The following TSHR variants were observed in gnomAD, a reference collection of about 807,000 sequenced individuals.
The protein encoded by TSHR is thyrotropin receptor.
Under a neutral mutation model 64.1 loss-of-function variants are expected in TSHR, and 51 were observed. The ratio of observed to expected loss-of-function variants is 0.80; its 90% confidence interval spans 0.64 to 1.01. The LOEUF (loss-of-function observed/expected upper bound fraction) is 1.01. Among genes scored for constraint, TSHR ranks in the 50% least tolerant of loss-of-function variants. TSHR has a pLI of 0.00. For missense variants in TSHR, 877 were observed against 942.8 expected (o/e 0.93, Z 0.91); for synonymous variants, 361 against 361.9 (o/e 1.00, Z 0.03).
Position 81,059,740 on chromosome 14 carries a change from G to GACCAATATAT in TSHR, c.171-2407_171-2406insCCAATATATA, listed in dbSNP as rs1270913148. ...TCCTTATTGGTCTATATATATTGGT[G>GACCAATATAT]AGCTTTCTTTGGTAAAAAAAATCTG... On this transcript the variant is annotated intron_variant, in intron 1 of 9. Transcript: ENST00000298171. Among the ~76,000 whole-genome samples the GACCAATATAT allele has an allele frequency of 2.8e-4, 43 of 152,200 alleles. No individual in the cohort carries two copies. In the East Asian group the frequency reaches 8.1e-3, roughly 29 times the overall value.
intron 3 of TSHR, chr14:81,087,595 A>G: frequency 6.2e-6 from 2 of 324,966 alleles, no homozygotes; most frequent in Non-Finnish European, 1.2e-5. Context: ...CTTATAAATA[A>G]TAAAGATATT....
intron 1 of TSHR, among the ~76,000 whole-genome samples, chr14:80,960,019 T>G (rs890084453): frequency 6.6e-6 from 1 of 152,238 alleles, no homozygotes; most frequent in African/African-American, 2.4e-5. Context: ...AGCTACAGAC[T>G]ATTGTCTGTG....
chr14:80,997,649 T>C (rs1889094740), intron 1 of TSHR, among the ~76,000 whole-genome samples: 1 of 152,206 alleles, frequency 6.6e-6, no homozygotes, highest in African/African-American at 2.4e-5. Flanking sequence ...TTAATACTTA[T>C]GTTAACAACC....
At chr14:81,076,923 T>A (rs902898931) in intron 3 of TSHR, among the ~76,000 whole-genome samples, 6 of 152,226 alleles carry the variant, frequency 3.9e-5, no homozygotes, top group Admixed American at 1.3e-4. Context: ...GTTCTCATCA[T>A]GCTTCACTCC....
intron 1 of TSHR, among the ~76,000 whole-genome samples, chr14:81,055,013 C>T (rs2139875678): frequency 6.6e-6 from 1 of 152,238 alleles, no homozygotes; most frequent in Non-Finnish European, 1.5e-5. Flanking sequence ...GTGGCAGCCC[C>T]TTTCATCACA....
At chr14:81,129,468 C>A (rs1891148897) in intron 8 of TSHR, among the ~76,000 whole-genome samples, 1 of 152,236 alleles carries the variant, frequency 6.6e-6, no homozygotes, top group Non-Finnish European at 1.5e-5. Flanking sequence ...CCACCTGCTG[C>A]AGGCCTGGGC....
At position 81,144,894 on chromosome 14, in the gene TSHR, G is replaced by A. The variant is rs994745844; in HGVS notation, c.*541G>A. On this transcript the variant is annotated 3_prime_UTR_variant, in exon 10 of 10. Transcript: ENST00000298171. ...ACAAGAAACAGCTATTATGAGACATGAAGGAGGGTAAGAATTAGCTTTAAG... is the reference window on the plus strand; with the variant it reads ...ACAAGAAACAGCTATTATGAGACATAAAGGAGGGTAAGAATTAGCTTTAAG... The A allele has an allele frequency of 8.5e-6, 2 of 235,446 alleles. No homozygotes were observed. The highest frequency in any genetic ancestry group is 4.4e-5 in the African/African-American group (2 of 45,348). The allele number at this position is 235,446 out of a possible 1,614,324, so 14.6% of individuals were successfully genotyped here.
At chr14:81,104,475 C>A (rs1476067056) in intron 7 of TSHR, 1 of 985,244 alleles carries the variant, frequency 1.0e-6, no homozygotes. Flanking sequence ...TCTCTTGCCA[C>A]GACATCACAC....
chr14:80,956,240 G>T (rs565535685), intron 1 of TSHR, among the ~76,000 whole-genome samples: 1 of 152,262 alleles, frequency 6.6e-6, no homozygotes, highest in South Asian at 2.1e-4. Flanking sequence ...ATAAAAAATT[G>T]CAAAAATATG....
At chr14:81,102,809 C>T (rs1889670624) in intron 7 of TSHR, 2 of 985,354 alleles carry the variant, frequency 2.0e-6, no homozygotes, top group South Asian at 4.7e-5. Context: ...GAAATATGTA[C>T]TCTGTTTCTC....
At chr14:80,967,194 AT>A (rs1217928970) in intron 1 of TSHR, among the ~76,000 whole-genome samples, 18 of 149,870 alleles carry the variant, frequency 1.2e-4, no homozygotes, top group Non-Finnish European at 1.9e-4. Context: ...GTGTATATAT[AT>A]ATATATATAT....
intron 3 of TSHR, among the ~76,000 whole-genome samples, chr14:81,086,131 T>C (rs932612181): frequency 6.6e-6 from 1 of 152,208 alleles, no homozygotes; most frequent in Non-Finnish European, 1.5e-5. Context: ...GATCTTGGGG[T>C]ATAAACTGTT....
intron 1 of TSHR, among the ~76,000 whole-genome samples, chr14:81,044,242 A>G (rs1594992845): frequency 1.3e-5 from 2 of 152,200 alleles, no homozygotes; most frequent in East Asian, 3.8e-4. Flanking sequence ...ACAAAAAACA[A>G]ACAACCTCAT....
chr14:81,092,092 C>A (rs1280456435), intron 5 of TSHR, among the ~76,000 whole-genome samples: 2 of 152,170 alleles, frequency 1.3e-5, no homozygotes, highest in Admixed American at 6.5e-5. Flanking sequence ...TCTCCAGGAG[C>A]CTGGCGAAGT....
chr14:81,063,145 T>C (rs1313274244), intron 2 of TSHR, among the ~76,000 whole-genome samples: 3 of 152,128 alleles, frequency 2.0e-5, no homozygotes, highest in Non-Finnish European at 4.4e-5. Flanking sequence ...CTACTGAACA[T>C]CTCTGCAGTT....
chr14:80,998,678 CACA>C (rs1175464631), intron 1 of TSHR, among the ~76,000 whole-genome samples: 1 of 151,836 alleles, frequency 6.6e-6, no homozygotes, highest in Non-Finnish European at 1.5e-5. Flanking sequence ...ATGAGTGATA[CACA>C]ACATTATCTT....
intron 1 of TSHR, among the ~76,000 whole-genome samples, chr14:81,054,969 G>A (rs954948409): frequency 1.3e-5 from 2 of 152,148 alleles, no homozygotes; most frequent in African/African-American, 4.8e-5. Flanking sequence ...CAAGACAATG[G>A]GAAAAATGTC....
Position 81,092,581 on chromosome 14 carries a change from A to T in TSHR, c.518A>T (p.Gln173Leu), listed in dbSNP as rs1448079625. The T allele has an allele frequency of 6.2e-7, 1 of 1,614,096 alleles. No homozygotes were observed. The highest frequency in any genetic ancestry group is 1.7e-5 in the Admixed American group (1 of 60,014). Reference protein sequence around the residue: ...YMTSIPVNAFQGLCNETLTLK... With the variant: ...YMTSIPVNAFLGLCNETLTLK... ...ACGTCAATCCCTGTGAATGCTTTTC[A>T]GGGACTATGCAATGAAACCTTGACA... The change falls in exon 6 of 10, where the codon CAG becomes CTG. Residue 173 changes from glutamine (Q) to leucine (L), a missense_variant. Physicochemically the swap from Gln to Leu is moderately radical, Grantham distance 113. Transcript: ENST00000298171.
intron 1 of TSHR, among the ~76,000 whole-genome samples, chr14:80,978,477 G>C (rs1888006204): frequency 6.6e-6 from 1 of 152,266 alleles, no homozygotes; most frequent in Non-Finnish European, 1.5e-5. Flanking sequence ...GAGAGCCCCA[G>C]ACTGTGCTAC....
Sources: gnomAD v4.1 joint callset for allele counts (sites outside exome capture counted in the v4.1 genomes callset) on GRCh38, gnomAD v4.1.1 for gene constraint, MANE v1.5 for transcripts, NCBI Gene and HGNC (gene_info 2026-07-23, HGNC 2026-07-21) for gene names.